The following SIK2 variants were observed in gnomAD, a reference collection of about 807,000 sequenced individuals.
SIK2 encodes the protein salt inducible kinase 2, also known as serine/threonine-protein kinase SIK2.
A neutral mutation model predicts 103.2 loss-of-function variants in SIK2; 29 were observed. The ratio of observed to expected loss-of-function variants is 0.28; its 90% CI spans 0.21 to 0.38. The LOEUF (loss-of-function observed/expected upper bound fraction) is 0.38, where lower values mean the gene tolerates loss of function less well. Ranked by LOEUF, SIK2 falls within the 10% of genes least tolerant of loss-of-function variation. SIK2 has a pLI of 1.00. For synonymous variants in SIK2, 412 were observed against 446.1 expected, an observed-to-expected ratio of 0.92 and a Z score of 0.96; for missense variants, 879 against 1,171.0, an observed-to-expected ratio of 0.75 and a Z score of 3.64.
In SIK2 at chr11:111,701,209, T is replaced by C. The variant is rs1943204972; in HGVS notation, c.603+199T>C. On this transcript the variant is annotated intron_variant, in intron 5 of 14. Coordinates refer to ENST00000304987, the MANE Select transcript of SIK2 (RefSeq NM_015191.3). The surrounding 1 kb of genome is among the most constrained non-coding windows in gnomAD (Gnocchi z 4.2). ...CTAAGGATAGGTGTTGTCATCCTAATATCAGCAGTAATTTAAAGTTAAGTA... is the reference window on the plus strand; with the variant it reads ...CTAAGGATAGGTGTTGTCATCCTAACATCAGCAGTAATTTAAAGTTAAGTA... Among the ~76,000 whole-genome samples the C allele has an allele frequency of 6.6e-6, 1 of 152,236 alleles. No individual in the cohort carries two copies. The highest frequency in any genetic ancestry group is 1.5e-5 in the Non-Finnish European group (1 of 68,042).
intron 3 of SIK2, among the ~76,000 whole-genome samples, chr11:111,687,131 A>T (rs1459226107): frequency 6.6e-6 from 1 of 152,184 alleles, no homozygotes; most frequent in Non-Finnish European, 1.5e-5. Flanking sequence ...TAAAAAAATC[A>T]TGTTGAGTTG....
rs1280582247 is a variant in SIK2, at chr11:111,705,182, G to T, written c.1101+43G>T. 1 of 1,476,814 alleles carries T rather than the reference G, an allele frequency of 6.8e-7. No individual in the cohort carries two copies. The allele number at this position is 1,476,814 out of a possible 1,614,324, so 91.5% of individuals were successfully genotyped here. On this transcript the variant is annotated intron_variant, in intron 8 of 14. Transcript: ENST00000304987. This position sits in a 1 kb window ranked among gnomAD's most constrained non-coding sequence, Gnocchi z 4.3. ...GAGAGTCTTATCTGTGCATGTGCCT[G>T]TTCACATGTTTGATACATTTTTCAT...
rs1565343251 is a variant in SIK2, at chr11:111,668,180, GT to G, written c.317-19820del. Among the ~76,000 whole-genome samples, 465 of 68,604 alleles carry G rather than the reference GT, an allele frequency of 6.8e-3. 5 individuals are homozygous for G. Among genetic ancestry groups the G allele is most frequent in the African/African-American group, 0.055 (428 of 7,832 alleles). 45.0% of individuals were successfully genotyped at this position (68,604 alleles called of 152,430 possible). On this transcript the variant is annotated intron_variant, in intron 3 of 14. Transcript: ENST00000304987. ...CAGTATGGAATAACTAAAGTAAGGA[GT>G]GTGTGTGTGTGTGTGTGTGTGTGTT...
rs1459057813 is a variant in SIK2, at chr11:111,724,297, C to T, written c.*168C>T. 5 of 951,426 alleles carry T rather than the reference C, an allele frequency of 5.3e-6. No homozygotes were observed. The South Asian group carries it at 7.1e-5, about 14-fold the overall frequency. The allele number at this position is 951,426 out of a possible 1,614,324, so 58.9% of individuals were successfully genotyped here. ...CTGGCTGGGGTGGATGTTGCTTCCTCCTGGTTCTGCCCCACCACAAAGTTT... is the reference window on the plus strand; with the variant it reads ...CTGGCTGGGGTGGATGTTGCTTCCTTCTGGTTCTGCCCCACCACAAAGTTT... On this transcript the variant is annotated 3_prime_UTR_variant, in exon 15 of 15. Transcript: ENST00000304987.
chr11:111,699,538 A>G (rs1292150229), intron 4 of SIK2, among the ~76,000 whole-genome samples: 1 of 152,210 alleles, frequency 6.6e-6, no homozygotes, highest in African/African-American at 2.4e-5. Context: ...GAGGACTTGA[A>G]GCTTGAAAGT....
chr11:111,719,402 A>T (rs1943737753), intron 9 of SIK2, among the ~76,000 whole-genome samples: 1 of 150,830 alleles, frequency 6.6e-6, no homozygotes, highest in Non-Finnish European at 1.5e-5. Context: ...GTTAAAAAAA[A>T]AAAAACAACT....
At chr11:111,620,314 C>T in intron 2 of SIK2, 25 bp from the exon 3 acceptor site, 1 of 1,420,110 alleles carries the variant, frequency 7.0e-7, no homozygotes. Context: ...TTCTGTCAGA[C>T]TAATATGGAA....
chr11:111,723,804 A>G lies in SIK2; in HGVS notation c.2456A>G (p.Gln819Arg). 6.2e-7 allele frequency: 1 copy of G among 1,613,294 alleles called. No individual in the cohort carries two copies. The part of the protein sequence containing the change: ...RAAPPLPTQL[Q>R]QQQPPPPPPP... ...GCTCCTCCTCTGCCCACGCAGCTACAGCAGCAGCAGCCGCCACCGCCACCA... is the reference window on the plus strand; with the variant it reads ...GCTCCTCCTCTGCCCACGCAGCTACGGCAGCAGCAGCCGCCACCGCCACCA... Residue 819 changes from glutamine (Q) to arginine (R), a missense_variant, in exon 15 of 15, where the codon CAG becomes CGG. Physicochemically the swap from Gln to Arg is conservative, Grantham distance 43 (BLOSUM62 1). Coordinates refer to ENST00000304987, the MANE Select transcript of SIK2 (RefSeq NM_015191.3).
At chr11:111,677,418 T>C (rs772129900) in intron 3 of SIK2, among the ~76,000 whole-genome samples, 3 of 151,878 alleles carry the variant, frequency 2.0e-5, no homozygotes, top group Non-Finnish European at 2.9e-5. Flanking sequence ...AGTTGTTTTT[T>C]GTTTTTTGTT....
chr11:111,692,816 GT>G (rs925234480), intron 4 of SIK2, among the ~76,000 whole-genome samples: 118 of 145,976 alleles, frequency 8.1e-4, no homozygotes, highest in Middle Eastern at 6.9e-3. Flanking sequence ...TTTTTTCTGG[GT>G]TTTTTTTTTG....
intron 3 of SIK2, among the ~76,000 whole-genome samples, chr11:111,621,152 G>A (rs1442572829): frequency 1.3e-5 from 2 of 152,112 alleles, no homozygotes; most frequent in African/African-American, 2.4e-5. Context: ...TTTGATACAC[G>A]TTTGTGAAAC....
At chr11:111,720,292 C>T (rs1270381421) in intron 10 of SIK2, among the ~76,000 whole-genome samples, 186 bp from the exon 11 acceptor site, 1 of 152,256 alleles carries the variant, frequency 6.6e-6, no homozygotes, top group African/African-American at 2.4e-5. Context: ...GATGCCACTT[C>T]TGGAGTGTTT....
rs370956094 is a variant in SIK2 at position 111,723,687 on chromosome 11, C to G, written c.2339C>G (p.Pro780Arg). ...CAGCCCCTGAGCCCCGTCCTGGAGCCTTCCTCCGAGCAGATGCAATACAGC... is the reference window on the plus strand; with the variant it reads ...CAGCCCCTGAGCCCCGTCCTGGAGCGTTCCTCCGAGCAGATGCAATACAGC... ...LTQPLSPVLE[P>R]SSEQMQYSPF... Residue 780 changes from proline to arginine, a missense_variant, in exon 15 of 15, where the codon CCT becomes CGT. By Grantham distance (103) the Pro-to-Arg change is moderately radical. Around this residue, in one of 7 missense-constraint regions of SIK2, gnomAD observed 375 missense variants for 416.3 expected, o/e 0.90. Transcript: ENST00000304987. The G allele has an allele frequency of 5.6e-6, 9 of 1,613,930 alleles. No homozygotes were observed. In the African/African-American group the frequency reaches 1.2e-4, roughly 22 times the overall value.
chr11:111,649,510 T>C (rs1942301186), intron 3 of SIK2, among the ~76,000 whole-genome samples: 1 of 152,066 alleles, frequency 6.6e-6, no homozygotes, highest in Admixed American at 6.5e-5. Flanking sequence ...AAAAGTCACT[T>C]ATTAGGTACC....
At chr11:111,713,363 C>T (rs777022909) in intron 9 of SIK2, among the ~76,000 whole-genome samples, 6 of 152,022 alleles carry the variant, frequency 3.9e-5, no homozygotes, top group Non-Finnish European at 7.4e-5. Flanking sequence ...GGTCTTGGAG[C>T]GTGTTCAAAA....
intron 3 of SIK2, among the ~76,000 whole-genome samples, chr11:111,660,177 TGGCCAGGGGGAAGGATTG>T (rs1278932413): frequency 6.6e-6 from 1 of 152,090 alleles, no homozygotes; most frequent in Non-Finnish European, 1.5e-5. Context: ...TACCCATCAC[TGGCCAGGGGGAAGGATTG>T]CCCTGAGACG....
chr11:111,720,257 C>T (rs538257252), intron 10 of SIK2, among the ~76,000 whole-genome samples: 1 of 152,260 alleles, frequency 6.6e-6, no homozygotes, highest in Admixed American at 6.5e-5. Context: ...GACTCTGGCT[C>T]TTTTGGACTG....
chr11:111,620,402 G>T lies in SIK2; in HGVS notation c.316G>T (p.Asp106Tyr), dbSNP rs1207123288. 3 of 1,584,454 alleles carry T rather than the reference G, an allele frequency of 1.9e-6. No homozygotes were observed. The highest frequency in any genetic ancestry group is 2.6e-6 in the Non-Finnish European group (3 of 1,166,176). Reference sequence around the variant, plus strand: ...ATATGCCAAAAATGGAGAAATTTTTGGTAAGCTTTTTCCTTTAAATTTTCT... The same window carrying T: ...ATATGCCAAAAATGGAGAAATTTTTTGTAAGCTTTTTCCTTTAAATTTTCT... ...TEYAKNGEIF[D>Y]YLANHGRLNE... The change falls in exon 3 of 15, where the codon GAC becomes TAC. Residue 106 changes from aspartate to tyrosine, a missense_variant and splice_region_variant. Coordinates refer to ENST00000304987, the MANE Select transcript of SIK2 (RefSeq NM_015191.3).
In SIK2 at chr11:111,725,932, G is replaced by A. The variant is rs1366029194; in HGVS notation, c.*1803G>A. The A allele has an allele frequency of 6.6e-6, 1 of 152,208 alleles. No homozygotes were observed. Among genetic ancestry groups the A allele is most frequent in the African/African-American group, 2.4e-5 (1 of 41,442 alleles). 9.4% of individuals were successfully genotyped at this position (152,208 alleles called of 1,614,324 possible). On this transcript the variant is annotated 3_prime_UTR_variant, in exon 15 of 15. Coordinates refer to ENST00000304987, the MANE Select transcript of SIK2 (RefSeq NM_015191.3). Reference sequence around the variant, plus strand: ...GCAGTGTGGGGACTGTCATTTTTGTGATTTAATAACACACAGTGAAAATCC... The same window carrying A: ...GCAGTGTGGGGACTGTCATTTTTGTAATTTAATAACACACAGTGAAAATCC...
Sources: gnomAD v4.1 joint callset for allele counts (sites outside exome capture counted in the v4.1 genomes callset) on GRCh38, gnomAD v4.1.1 for gene constraint, gnomAD v4.1.1 regional missense constraint, Gnocchi (gnomAD v3.1) non-coding constraint, MANE v1.5 for transcripts, NCBI Gene and HGNC (gene_info 2026-07-23, HGNC 2026-07-21) for gene names.